The following WDR45B variants were observed in gnomAD, a reference collection of about 807,000 sequenced individuals.
The protein encoded by WDR45B is WD repeat domain phosphoinositide-interacting protein 3.
In WDR45B, 20 loss-of-function variants were observed where a neutral mutation model predicts 44.6. The observed-to-expected ratio is 0.45, with a 90% CI of 0.32 to 0.65. The LOEUF (loss-of-function observed/expected upper bound fraction) is 0.65. Among genes scored for constraint, WDR45B ranks in the 30% least tolerant of loss-of-function variants. The probability of loss-of-function intolerance (pLI) is 0.05; values close to 1 mark genes in which losing one functional copy is unlikely to be tolerated. For synonymous variants in WDR45B, 169 were observed against 164.9 expected (o/e 1.02, Z -0.19); for missense variants, 323 against 430.2 (o/e 0.75, Z 2.20).
intron 2 of WDR45B, among the ~76,000 whole-genome samples, chr17:82,643,452 AAT>A (rs200934256): frequency 0.026 from 3,951 of 152,030 alleles, 169 homozygotes; most frequent in African/African-American, 0.09. Context: ...AAAAAAAAAA[AAT>A]AGAGGCCCAA....
intron 2 of WDR45B, among the ~76,000 whole-genome samples, chr17:82,639,722 G>C (rs988808501): frequency 1.3e-5 from 2 of 150,650 alleles, no homozygotes; most frequent in Admixed American, 6.6e-5. Context: ...GCCAGGCTGT[G>C]TGTCAGGTCA....
At chr17:82,647,146 G>A (rs573829232) in intron 1 of WDR45B, among the ~76,000 whole-genome samples, 1 of 152,294 alleles carries the variant, frequency 6.6e-6, no homozygotes, top group African/African-American at 2.4e-5. Flanking sequence ...GGAGAATGGC[G>A]TGAACCCGGG....
chr17:82,640,131 T>C (rs1248465670), intron 2 of WDR45B, among the ~76,000 whole-genome samples: 3 of 152,094 alleles, frequency 2.0e-5, no homozygotes, highest in East Asian at 3.9e-4. Flanking sequence ...CAGCTTCCCG[T>C]TCCTGCCAAG....
At chr17:82,617,642 C>T (rs558238727) in intron 7 of WDR45B, 9 of 530,534 alleles carry the variant, frequency 1.7e-5, no homozygotes, top group Non-Finnish European at 3.2e-5. Context: ...CCCACAAATG[C>T]AGCTGATGAG....
intron 5 of WDR45B, among the ~76,000 whole-genome samples, chr17:82,624,925 G>C (rs1320345913): frequency 2.0e-5 from 3 of 152,066 alleles, no homozygotes; most frequent in Non-Finnish European, 4.4e-5. Context: ...GCCACAAATG[G>C]TATTCTTAAA....
intron 1 of WDR45B, among the ~76,000 whole-genome samples, chr17:82,647,827 G>A (rs895593600): frequency 2.6e-5 from 4 of 151,962 alleles, no homozygotes; most frequent in Non-Finnish European, 5.9e-5. Context: ...AAAGGAACAG[G>A]GGGCAAAACG....
At chr17:82,647,434 G>A (rs1005956641) in intron 1 of WDR45B, among the ~76,000 whole-genome samples, 1 of 152,208 alleles carries the variant, frequency 6.6e-6, no homozygotes, top group African/African-American at 2.4e-5. Context: ...TCCGAATCCA[G>A]GTCCCGCCCG....
intron 2 of WDR45B, among the ~76,000 whole-genome samples, chr17:82,639,534 C>G (rs925129836): frequency 4.6e-5 from 7 of 152,088 alleles, no homozygotes; most frequent in Admixed American, 3.3e-4. Context: ...CCGCAGGAAC[C>G]ACCTGCTACC....
chr17:82,636,509 C>G (rs1282563243), intron 2 of WDR45B: 2 of 151,910 alleles, frequency 1.3e-5, no homozygotes, highest in East Asian at 3.8e-4. Flanking sequence ...ACCTGACCCC[C>G]ACCTCCTGCA....
intron 1 of WDR45B, among the ~76,000 whole-genome samples, chr17:82,647,349 A>G (rs2143399355): frequency 6.6e-6 from 1 of 152,368 alleles, no homozygotes; most frequent in East Asian, 1.9e-4. Flanking sequence ...GTCTCGGAAT[A>G]ACGGACATTC....
intron 1 of WDR45B, among the ~76,000 whole-genome samples, chr17:82,647,870 G>A (rs1382462758): frequency 1.3e-5 from 2 of 151,812 alleles, no homozygotes; most frequent in African/African-American, 2.4e-5. Flanking sequence ...CACGCTGTGG[G>A]GAAAATCCCG....
At chr17:82,633,520 G>A (rs1440774509) in intron 2 of WDR45B, among the ~76,000 whole-genome samples, 2 of 152,132 alleles carry the variant, frequency 1.3e-5, no homozygotes, top group Non-Finnish European at 2.9e-5. Context: ...CCATGAAGAT[G>A]ACTAATTTTT....
At chr17:82,626,980 G>A (rs2045706782) in intron 4 of WDR45B, 4 of 577,430 alleles carry the variant, frequency 6.9e-6, no homozygotes, top group South Asian at 1.9e-5. Context: ...CGTCATCCAC[G>A]CCACCACCTA....
chr17:82,627,065 C>G lies in WDR45B; in HGVS notation c.332+139G>C. ...GCAGCAATATAAATAATCCTTATAT[C>G]CTTATGGTCATAAAAACCAGGACCA... is the stretch of plus-strand genomic sequence containing the variant. On this transcript the variant is annotated intron_variant, in intron 4 of 9. Transcript: ENST00000392325. The G allele has an allele frequency of 5.0e-6, 4 of 793,372 alleles. No individual in the cohort carries two copies. The Admixed American group carries it at 7.0e-5, about 14-fold the overall frequency. The allele number at this position is 793,372 out of a possible 1,614,324, so 49.1% of individuals were successfully genotyped here. A position where few individuals can be genotyped will look rare whatever the true frequency, so the allele number is the denominator to read the frequency against.
intron 2 of WDR45B, among the ~76,000 whole-genome samples, chr17:82,642,441 T>C (rs983200232): frequency 6.6e-6 from 1 of 152,214 alleles, no homozygotes; most frequent in Non-Finnish European, 1.5e-5. Flanking sequence ...CAGTCCCCGG[T>C]GCCGAAAAGG....
rs529605420 is a variant in WDR45B at position 82,638,702 on chromosome 17, C to T, written c.142+5247G>A. 3.0e-4 allele frequency among the ~76,000 whole-genome samples: 45 copies of T among 152,136 alleles called. No individual in the cohort carries two copies. In the South Asian group the frequency reaches 8.9e-3, roughly 30 times the overall value. On this transcript the variant is annotated intron_variant, in intron 2 of 9. Transcript: ENST00000392325. ...GTCATGTCGTGCAGTCCCTGTTTCT[C>T]GTTCCTATTTCTGTGGAGTTTTATT...
chr17:82,638,928 T>G (rs1308276653), intron 2 of WDR45B, among the ~76,000 whole-genome samples: 1 of 151,964 alleles, frequency 6.6e-6, no homozygotes, highest in African/African-American at 2.4e-5. Flanking sequence ...GTTCAAGTGA[T>G]TCTCCTGCCT....
chr17:82,633,709 T>C (rs2045797796), intron 2 of WDR45B, among the ~76,000 whole-genome samples: 4 of 151,994 alleles, frequency 2.6e-5, no homozygotes. Context: ...GTAGGACAGG[T>C]CCTCAAAAAA....
intron 2 of WDR45B, among the ~76,000 whole-genome samples, chr17:82,632,409 C>T (rs1568010551): frequency 1.3e-5 from 2 of 152,104 alleles, no homozygotes; most frequent in Non-Finnish European, 2.9e-5. Flanking sequence ...TCAAACAATC[C>T]TGCCATCTCA....
Sources: gnomAD v4.1 joint callset for allele counts (sites outside exome capture counted in the v4.1 genomes callset) on GRCh38, gnomAD v4.1.1 for gene constraint, MANE v1.5 for transcripts, NCBI Gene and HGNC (gene_info 2026-07-23, HGNC 2026-07-21) for gene names.